The following SORCS3 variants were observed in gnomAD, a reference collection of about 807,000 sequenced individuals.
The protein encoded by SORCS3 is sortilin related VPS10 domain containing receptor 3, also known as VPS10 domain-containing receptor SorCS3.
A neutral mutation model predicts 146.3 loss-of-function variants in SORCS3; 57 were observed. The observed-to-expected ratio is 0.39, with a 90% CI of 0.31 to 0.49. The LOEUF (loss-of-function observed/expected upper bound fraction) is 0.49, where lower values mean the gene tolerates loss of function less well. Ranked by LOEUF, SORCS3 falls within the 20% of genes least tolerant of loss-of-function variation. The probability of loss-of-function intolerance (pLI) is 0.92; values close to 1 mark genes in which losing one functional copy is unlikely to be tolerated. For synonymous variants in SORCS3, 653 were observed against 618.5 expected, an observed-to-expected ratio of 1.06 and a Z score of -0.83; for missense variants, 1,341 against 1,575.5, an observed-to-expected ratio of 0.85 and a Z score of 2.52.
At chr10:105,208,518 C>T (rs192461639) in intron 16 of SORCS3, among the ~76,000 whole-genome samples, 1 of 151,566 alleles carries the variant, frequency 6.6e-6, no homozygotes, top group Non-Finnish European at 1.5e-5. Flanking sequence ...CATGAGTGAA[C>T]GCAGAACTGG....
intron 2 of SORCS3, among the ~76,000 whole-genome samples, chr10:104,894,104 C>A (rs1268331034): frequency 6.6e-6 from 1 of 152,142 alleles, no homozygotes; most frequent in Admixed American, 6.5e-5. Flanking sequence ...TGTTATTTGT[C>A]GTGAACTCTT....
rs560980098 is a variant in SORCS3, at chr10:105,089,094, C to T, written c.1029-681C>T. On this transcript the variant is annotated intron_variant, in intron 5 of 26. Coordinates refer to ENST00000369701, the MANE Select transcript of SORCS3 (RefSeq NM_014978.3). The stretch of plus-strand genomic sequence containing the variant: ...CTTTATGTGTGGAAGGTCAGAGGTC[C>T]ACGAGGATTGTTTGTAGGGATTCTC... Among the ~76,000 whole-genome samples the T allele has an allele frequency of 1.3e-3, 192 of 152,224 alleles. 2 individuals carry two copies. Among genetic ancestry groups the T allele is most frequent in the Middle Eastern group, 3.4e-3 (1 of 294 alleles).
chr10:104,792,907 T>A (rs192295328), intron 1 of SORCS3, among the ~76,000 whole-genome samples: 1 of 152,292 alleles, frequency 6.6e-6, no homozygotes. Context: ...GATTAAGTTA[T>A]TTTGGGGTCA....
rs898135211 is a variant in SORCS3 at position 105,264,836 on chromosome 10, T to G, written c.*1462T>G. On this transcript the variant is annotated 3_prime_UTR_variant, in exon 27 of 27. Transcript: ENST00000369701. ...GCCATGCTGTAAGCATTGTTTTTAT[T>G]TTCAGGCTTAGCCTGAGCACACTTA... 1.4e-4 allele frequency: 22 copies of G among 152,654 alleles called. No homozygotes were observed. Among genetic ancestry groups the G allele is most frequent in the Non-Finnish European group, 2.4e-4 (16 of 68,028 alleles). 9.5% of individuals were successfully genotyped at this position (152,654 alleles called of 1,614,324 possible).
chr10:105,206,366 C>A (rs1345466487), intron 16 of SORCS3, among the ~76,000 whole-genome samples: 1 of 152,012 alleles, frequency 6.6e-6, no homozygotes, highest in African/African-American at 2.4e-5. Flanking sequence ...TAGGGGCTAC[C>A]ATATTAGCTT....
At chr10:105,076,111 A>G (rs2055587142) in intron 5 of SORCS3, among the ~76,000 whole-genome samples, 1 of 152,196 alleles carries the variant, frequency 6.6e-6, no homozygotes, top group Non-Finnish European at 1.5e-5. Flanking sequence ...ATTTCATTTC[A>G]TCATTTCCAA....
intron 5 of SORCS3, among the ~76,000 whole-genome samples, chr10:105,049,195 A>G (rs2055394578): frequency 6.6e-6 from 1 of 152,032 alleles, no homozygotes. Context: ...TTTTTACTGA[A>G]CCTTTTCTTG....
intron 5 of SORCS3, among the ~76,000 whole-genome samples, chr10:105,046,058 CA>C (rs1413861368): frequency 6.6e-6 from 1 of 151,930 alleles, no homozygotes; most frequent in African/African-American, 2.4e-5. Context: ...TCAACCAAAG[CA>C]AAACAATAAC....
chr10:104,897,127 T>A (rs902144153), intron 2 of SORCS3, among the ~76,000 whole-genome samples: 1 of 152,196 alleles, frequency 6.6e-6, no homozygotes, highest in Non-Finnish European at 1.5e-5. Context: ...TCCCTGAGAA[T>A]GTCAAAGCAA....
intron 16 of SORCS3, among the ~76,000 whole-genome samples, chr10:105,208,964 A>G (rs189780992): frequency 6.6e-6 from 1 of 152,214 alleles, no homozygotes; most frequent in African/African-American, 2.4e-5. Context: ...TGCCAATATA[A>G]GACTGATCTC....
At chr10:104,873,241 A>G (rs996836740) in intron 2 of SORCS3, among the ~76,000 whole-genome samples, 1 of 152,242 alleles carries the variant, frequency 6.6e-6, no homozygotes, top group Middle Eastern at 3.2e-3. Context: ...TTCTTCATCC[A>G]GGACCCATTT....
chr10:104,796,178 G>A (rs2017552632), intron 1 of SORCS3, among the ~76,000 whole-genome samples: 1 of 152,214 alleles, frequency 6.6e-6, no homozygotes, highest in Admixed American at 6.5e-5. Flanking sequence ...AATAGGTAGG[G>A]CCTGGGAGTT....
chr10:105,256,523 C>G (rs1319921459), intron 24 of SORCS3, among the ~76,000 whole-genome samples: 1 of 152,194 alleles, frequency 6.6e-6, no homozygotes. Context: ...AGAGAAAGAG[C>G]ACTGGAGCCC....
chr10:104,723,979 A>C (rs985643999), intron 1 of SORCS3, among the ~76,000 whole-genome samples: 1 of 152,120 alleles, frequency 6.6e-6, no homozygotes, highest in African/African-American at 2.4e-5. Flanking sequence ...ATTTTCATTT[A>C]AAGTTAATAT....
At chr10:104,924,484 C>T (rs1179932774) in intron 3 of SORCS3, among the ~76,000 whole-genome samples, 1 of 152,218 alleles carries the variant, frequency 6.6e-6, no homozygotes, top group Non-Finnish European at 1.5e-5. Flanking sequence ...ACTCCACTCT[C>T]AAAGCCCAAA....
At chr10:105,049,914 A>G (rs141000107) in intron 5 of SORCS3, among the ~76,000 whole-genome samples, 18 of 152,210 alleles carry the variant, frequency 1.2e-4, no homozygotes, top group Admixed American at 1.1e-3. Flanking sequence ...ACGTCACACA[A>G]TATACCTTTG....
At chr10:104,872,747 C>T (rs1170365383) in intron 2 of SORCS3, among the ~76,000 whole-genome samples, 5 of 152,000 alleles carry the variant, frequency 3.3e-5, no homozygotes, top group African/African-American at 4.8e-5. Flanking sequence ...GCTCTATCTC[C>T]TCTGTGTCTG....
chr10:105,230,699 A>G (rs910381613), intron 20 of SORCS3, among the ~76,000 whole-genome samples: 3 of 152,138 alleles, frequency 2.0e-5, no homozygotes, highest in African/African-American at 7.2e-5. Flanking sequence ...CCTGTGCCTT[A>G]GTCCACATAG....
At chr10:105,061,267 G>GGTGGGAGAGATGTTTTAA (rs2055484330) in intron 5 of SORCS3, among the ~76,000 whole-genome samples, 1 of 150,470 alleles carries the variant, frequency 6.6e-6, no homozygotes, top group African/African-American at 2.4e-5. Flanking sequence ...GGTGAGGTAG[G>GGTGGGAGAGATGTTTTAA]GTGGGAGAGA....
Sources: allele counts gnomAD v4.1 joint callset (sites outside exome capture counted in the v4.1 genomes callset), GRCh38; gene constraint gnomAD v4.1.1; transcripts MANE v1.5; gene names NCBI Gene and HGNC (gene_info 2026-07-23, HGNC 2026-07-21).